CEP128: variants seen among roughly 807,000 people sequenced by gnomAD.
The protein encoded by CEP128 is centrosomal protein 128.
A neutral mutation model predicts 156.7 loss-of-function variants in CEP128; 132 were observed. That is an observed-to-expected ratio of 0.84 (90% CI 0.73 to 0.97). The LOEUF (loss-of-function observed/expected upper bound fraction) is 0.97. CEP128 is among the 50% of genes least tolerant of loss of function. The probability of loss-of-function intolerance (pLI) is 0.00; values close to 1 mark genes in which losing one functional copy is unlikely to be tolerated. For synonymous variants in CEP128, 469 were observed against 448.9 expected, an observed-to-expected ratio of 1.04 and a Z score of -0.57; for missense variants, 1,252 against 1,281.9, an observed-to-expected ratio of 0.98 and a Z score of 0.36.
chr14:80,594,189 T>C (rs914147104), intron 19 of CEP128, among the ~76,000 whole-genome samples: 3 of 152,174 alleles, frequency 2.0e-5, no homozygotes, highest in African/African-American at 7.2e-5. Context: ...CCATTTCACC[T>C]TTGACAAACA....
At chr14:80,730,359 CTGAAAG>C (rs1042723914) in intron 19 of CEP128, among the ~76,000 whole-genome samples, 8 of 152,176 alleles carry the variant, frequency 5.3e-5, no homozygotes, top group African/African-American at 1.9e-4. Context: ...CTTCTCAAGA[CTGAAAG>C]TGCTTCTTAG....
At chr14:80,616,123 T>TA in intron 19 of CEP128, among the ~76,000 whole-genome samples, 1 of 152,360 alleles carries the variant, frequency 6.6e-6, no homozygotes, top group Non-Finnish European at 1.5e-5. Flanking sequence ...CTCTTGCTGA[T>TA]AGACAGCTGC....
chr14:80,729,056 G>GTGTGTGTGTGTGTGT (rs1898133887), intron 19 of CEP128, among the ~76,000 whole-genome samples: 3 of 88,180 alleles, frequency 3.4e-5, no homozygotes, highest in African/African-American at 8.3e-5. Flanking sequence ...TGGGCTGGTG[G>GTGTGTGTGTGTGTGT]GGGTGTGTGT....
chr14:80,855,187 C>T (rs1039751103), intron 9 of CEP128, among the ~76,000 whole-genome samples: 1 of 152,116 alleles, frequency 6.6e-6, no homozygotes, highest in African/African-American at 2.4e-5. Context: ...TGTGATAGTG[C>T]TTTCAGCCTC....
intron 19 of CEP128, among the ~76,000 whole-genome samples, chr14:80,681,173 C>T (rs972533749): frequency 1.3e-5 from 2 of 152,024 alleles, no homozygotes; most frequent in Admixed American, 6.6e-5. Flanking sequence ...TGATCCTCTG[C>T]ATCCACACTC....
intron 17 of CEP128, among the ~76,000 whole-genome samples, chr14:80,759,879 T>A (rs1335439600): frequency 6.7e-6 from 1 of 149,664 alleles, no homozygotes; most frequent in Non-Finnish European, 1.5e-5. Flanking sequence ...TGTGTATATA[T>A]ATGCACATAT....
chr14:80,764,501 G>A (rs964550522), intron 16 of CEP128, among the ~76,000 whole-genome samples: 5 of 146,988 alleles, frequency 3.4e-5, no homozygotes, highest in Admixed American at 6.8e-5. Context: ...GCGAGACTCC[G>A]TCTCAAAAAA....
At chr14:80,945,183 T>C (rs914840293), upstream of CEP128, among the ~76,000 whole-genome samples, 2 of 152,182 alleles carry the variant, frequency 1.3e-5, no homozygotes, top group African/African-American at 4.8e-5. Context: ...CTTGCAGAGA[T>C]CCATCTTTTC....
intron 18 of CEP128, among the ~76,000 whole-genome samples, chr14:80,752,059 G>C (rs1308951748): frequency 6.6e-6 from 1 of 152,000 alleles, no homozygotes; most frequent in African/African-American, 2.4e-5. Flanking sequence ...CTGAGTCCTA[G>C]GGTAATGATA....
downstream of CEP128, among the ~76,000 whole-genome samples, chr14:80,488,575 G>A (rs1887223553): frequency 6.6e-6 from 1 of 151,938 alleles, no homozygotes; most frequent in Admixed American, 6.5e-5. Flanking sequence ...AGTCAGTGTG[G>A]TGATTCCTCA....
chr14:80,681,165 A>T (rs1896309447), intron 19 of CEP128, among the ~76,000 whole-genome samples: 1 of 152,136 alleles, frequency 6.6e-6, no homozygotes, highest in African/African-American at 2.4e-5. Context: ...CCTACCCATG[A>T]TCCTCTGCAT....
intron 18 of CEP128, among the ~76,000 whole-genome samples, chr14:80,744,036 A>G (rs1340085957): frequency 6.6e-6 from 1 of 151,788 alleles, no homozygotes; most frequent in African/African-American, 2.4e-5. Context: ...ATGTCTGGCT[A>G]ACTGTTTTTT....
At chr14:80,538,947 G>A (rs1489142957) in intron 21 of CEP128, among the ~76,000 whole-genome samples, 1 of 152,236 alleles carries the variant, frequency 6.6e-6, no homozygotes, top group African/African-American at 2.4e-5. Flanking sequence ...CATTAGCAGT[G>A]GGCAATAAGC....
intron 13 of CEP128, among the ~76,000 whole-genome samples, chr14:80,821,598 CAT>C (rs368303147): frequency 7.5e-5 from 4 of 53,534 alleles, no homozygotes. Context: ...CACATACACA[CAT>C]ACACACACAC....
intron 13 of CEP128, among the ~76,000 whole-genome samples, chr14:80,825,431 A>C (rs73338156): frequency 0.021 from 3,141 of 152,332 alleles, 133 homozygotes; most frequent in African/African-American, 0.071. Flanking sequence ...TATGTAAAAA[A>C]CATGAGGCAG....
At chr14:80,892,297 G>C (rs1338089704) in intron 8 of CEP128, among the ~76,000 whole-genome samples, 1 of 151,818 alleles carries the variant, frequency 6.6e-6, no homozygotes, top group Non-Finnish European at 1.5e-5. Context: ...GCACCAATAG[G>C]ATACAATGAG....
At chr14:80,553,934 T>C (rs1048434805) in intron 21 of CEP128, among the ~76,000 whole-genome samples, 5 of 152,208 alleles carry the variant, frequency 3.3e-5, no homozygotes, top group South Asian at 2.1e-4. Flanking sequence ...ACATCCTTTG[T>C]TCCTGGTCAT....
intron 9 of CEP128, among the ~76,000 whole-genome samples, chr14:80,847,867 G>A (rs781628245): frequency 1.3e-5 from 2 of 152,160 alleles, no homozygotes; most frequent in African/African-American, 2.4e-5. Context: ...AGTCCCCAGC[G>A]CAGTACCTGA....
At chr14:80,648,280 T>C (rs1001102999) in intron 19 of CEP128, among the ~76,000 whole-genome samples, 32 of 152,088 alleles carry the variant, frequency 2.1e-4, no homozygotes, top group African/African-American at 7.7e-4. Context: ...CTGATTTGAT[T>C]TTCCTCAATT....
Sources: allele counts gnomAD v4.1 joint callset (sites outside exome capture counted in the v4.1 genomes callset), GRCh38; gene constraint gnomAD v4.1.1; transcripts MANE v1.5; gene names NCBI Gene and HGNC (gene_info 2026-07-23, HGNC 2026-07-21).